ANKS1B: variants seen among roughly 807,000 people sequenced by gnomAD.
ANKS1B encodes the protein ankyrin repeat and sterile alpha motif domain containing 1B, also known as ankyrin repeat and sterile alpha motif domain-containing protein 1B.
ANKS1B carries 36 observed loss-of-function variants against 148.3 expected under a neutral mutation model. The ratio of observed to expected loss-of-function variants is 0.24; its 90% CI spans 0.19 to 0.32. The LOEUF is 0.32. ANKS1B is among the 10% of genes least tolerant of loss of function. ANKS1B has a pLI of 1.00. For missense variants in ANKS1B, 1,157 were observed against 1,542.6 expected, an observed-to-expected ratio of 0.75 and a Z score of 4.19; for synonymous variants, 542 against 560.8, an observed-to-expected ratio of 0.97 and a Z score of 0.47.
chr12:99,814,867 G>C (rs1225844081), intron 2 of ANKS1B, among the ~76,000 whole-genome samples: 1 of 151,698 alleles, frequency 6.6e-6, no homozygotes, highest in Non-Finnish European at 1.5e-5. Flanking sequence ...TCCAGTGATT[G>C]CTTTTTAAAT....
At chr12:99,757,520 G>C (rs972921632) in intron 8 of ANKS1B, among the ~76,000 whole-genome samples, 13 of 151,982 alleles carry the variant, frequency 8.6e-5, no homozygotes, top group African/African-American at 3.1e-4. Context: ...CATTATAGAA[G>C]ACAGTACGGT....
At chr12:98,799,206 G>C (rs2098978868) in intron 21 of ANKS1B, among the ~76,000 whole-genome samples, 1 of 152,074 alleles carries the variant, frequency 6.6e-6, no homozygotes, top group South Asian at 2.1e-4. Context: ...TAAGTTCTGG[G>C]GGCTGTAATT....
At chr12:99,804,273 A>T (rs915033256) in intron 4 of ANKS1B, among the ~76,000 whole-genome samples, 1 of 152,220 alleles carries the variant, frequency 6.6e-6, no homozygotes, top group South Asian at 2.1e-4. Flanking sequence ...ATCATTAAAC[A>T]ACTTTTAGGA....
intron 10 of ANKS1B, among the ~76,000 whole-genome samples, chr12:99,491,227 C>T (rs934355857): frequency 2.0e-5 from 3 of 151,900 alleles, no homozygotes; most frequent in Admixed American, 1.3e-4. Context: ...ATGGCGTGAA[C>T]CTGGGAGGCG....
At chr12:99,345,156 T>G (rs1289601397) in intron 12 of ANKS1B, among the ~76,000 whole-genome samples, 2 of 152,088 alleles carry the variant, frequency 1.3e-5, no homozygotes, top group Non-Finnish European at 2.9e-5. Flanking sequence ...ATTCATCTTA[T>G]ATCAAAGATA....
chr12:99,727,744 A>G (rs1488938907), intron 8 of ANKS1B, among the ~76,000 whole-genome samples: 1 of 152,226 alleles, frequency 6.6e-6, no homozygotes, highest in Admixed American at 6.5e-5. Flanking sequence ...AAACTATACT[A>G]CAAGGCTACA....
intron 12 of ANKS1B, among the ~76,000 whole-genome samples, chr12:99,381,505 A>C (rs964801649): frequency 3.9e-5 from 6 of 152,176 alleles, no homozygotes; most frequent in Non-Finnish European, 8.8e-5. Flanking sequence ...ACAAAGGGAG[A>C]CTGGAGAGGT....
In ANKS1B at chr12:98,842,444, A is replaced by C. The variant is rs551880274; in HGVS notation, c.2779-10308T>G. ...AGGAATAGGAGCAGGGATTGACTGC[A>C]ATGAGCATAAAGGAACTTTTTAGGG... On this transcript the variant is annotated intron_variant, in intron 17 of 26. Coordinates refer to ENST00000683438, the MANE Select transcript of ANKS1B (RefSeq NM_001352186.2). Among the ~76,000 whole-genome samples the C allele has an allele frequency of 2.4e-4, 37 of 152,366 alleles. No homozygotes were observed. In the East Asian group the frequency reaches 3.1e-3, roughly 13 times the overall value.
chr12:99,740,102 G>C (rs574952291), intron 8 of ANKS1B, among the ~76,000 whole-genome samples: 2 of 152,230 alleles, frequency 1.3e-5, no homozygotes, highest in South Asian at 2.1e-4. Flanking sequence ...TTGAGCCCAA[G>C]TGTTCAAGAC....
intron 14 of ANKS1B, among the ~76,000 whole-genome samples, chr12:99,161,865 A>T (rs2076688343): frequency 6.6e-6 from 1 of 152,202 alleles, no homozygotes; most frequent in Admixed American, 6.5e-5. Context: ...AAAGATTAGG[A>T]AAAGAGACAA....
chr12:98,922,939 G>T (rs944528620), intron 17 of ANKS1B, among the ~76,000 whole-genome samples: 6 of 152,128 alleles, frequency 3.9e-5, no homozygotes, highest in African/African-American at 1.4e-4. Flanking sequence ...TTTCCTGAGG[G>T]TTCTGTTCTT....
At chr12:99,518,227 G>A (rs2096841569) in intron 9 of ANKS1B, among the ~76,000 whole-genome samples, 1 of 151,952 alleles carries the variant, frequency 6.6e-6, no homozygotes, top group Non-Finnish European at 1.5e-5. Flanking sequence ...TGCTGGTCTT[G>A]TAGAATGAGT....
chr12:99,456,855 AT>A, intron 10 of ANKS1B, among the ~76,000 whole-genome samples: 1 of 152,330 alleles, frequency 6.6e-6, no homozygotes, highest in East Asian at 1.9e-4. Context: ...ATTTGAGGGA[AT>A]AATAGAGAAA....
chr12:99,766,508 C>T (rs1409955432), intron 8 of ANKS1B, among the ~76,000 whole-genome samples: 1 of 152,072 alleles, frequency 6.6e-6, no homozygotes, highest in African/African-American at 2.4e-5. Flanking sequence ...CATTAATGTA[C>T]CTACAGTACA....
chr12:99,818,748 T>A (rs2082165795), intron 2 of ANKS1B, among the ~76,000 whole-genome samples: 2 of 151,838 alleles, frequency 1.3e-5, no homozygotes, highest in Admixed American at 6.6e-5. Context: ...ATAGCTGCAA[T>A]ATTTTGCAGC....
intron 4 of ANKS1B, among the ~76,000 whole-genome samples, chr12:99,797,093 T>A (rs921143514): frequency 2.0e-5 from 3 of 152,012 alleles, no homozygotes; most frequent in Non-Finnish European, 4.4e-5. Flanking sequence ...GCTATCACAA[T>A]GTTGTCACAT....
intron 9 of ANKS1B, among the ~76,000 whole-genome samples, chr12:99,594,111 G>A (rs571971605): frequency 6.6e-6 from 1 of 151,946 alleles, no homozygotes; most frequent in Non-Finnish European, 1.5e-5. Flanking sequence ...GTATTTATCT[G>A]CCTCATAGGG....
intron 8 of ANKS1B, among the ~76,000 whole-genome samples, chr12:99,742,949 G>A (rs550673157): frequency 2.6e-5 from 4 of 151,438 alleles, no homozygotes; most frequent in South Asian, 4.2e-4. Flanking sequence ...TCACAACTTT[G>A]TACTTTTCCA....
At chr12:98,994,081 T>C (rs1319184325) in intron 17 of ANKS1B, among the ~76,000 whole-genome samples, 1 of 152,214 alleles carries the variant, frequency 6.6e-6, no homozygotes, top group Non-Finnish European at 1.5e-5. Flanking sequence ...GTGTGTGTGA[T>C]ATACATATCT....
Sources: gnomAD v4.1 joint callset for allele counts (sites outside exome capture counted in the v4.1 genomes callset) on GRCh38, gnomAD v4.1.1 for gene constraint, MANE v1.5 for transcripts, NCBI Gene and HGNC (gene_info 2026-07-23, HGNC 2026-07-21) for gene names.